Variants in SCFD2 observed in about 807,000 individuals in gnomAD.
SCFD2 encodes the protein sec1 family domain-containing protein 2.
Under a neutral mutation model 58.9 loss-of-function variants are expected in SCFD2, and 54 were observed. The ratio of observed to expected loss-of-function variants is 0.92; its 90% confidence interval spans 0.74 to 1.15. SCFD2 has a LOEUF of 1.15. Among genes scored for constraint, SCFD2 ranks in the 50% most tolerant of loss-of-function variants. The pLI, the probability that SCFD2 is intolerant of heterozygous loss-of-function variation, is 0.00. For synonymous variants in SCFD2, 321 were observed against 335.9 expected (o/e 0.96, Z 0.49); for missense variants, 805 against 836.6 (o/e 0.96, Z 0.47).
intron 4 of SCFD2, among the ~76,000 whole-genome samples, chr4:53,205,386 C>A (rs1728374778): frequency 6.6e-6 from 1 of 151,902 alleles, no homozygotes; most frequent in Admixed American, 6.6e-5. Context: ...GACTCCATCC[C>A]AGGAAAAAAG....
chr4:53,182,959 C>A (rs1382871835), intron 4 of SCFD2, among the ~76,000 whole-genome samples: 2 of 152,188 alleles, frequency 1.3e-5, no homozygotes, highest in African/African-American at 4.8e-5. Flanking sequence ...GAGATACCAT[C>A]ACACCCCAGT....
intron 4 of SCFD2, among the ~76,000 whole-genome samples, chr4:53,258,529 GGT>G (rs201888049): frequency 3.9e-5 from 4 of 102,816 alleles, no homozygotes; most frequent in African/African-American, 1.3e-4. Flanking sequence ...CGTATTCCAT[GGT>G]GTGTGTGTAT....
intron 5 of SCFD2, among the ~76,000 whole-genome samples, chr4:52,947,796 T>A (rs538675637): frequency 6.6e-6 from 1 of 150,838 alleles, no homozygotes; most frequent in East Asian, 1.9e-4. Flanking sequence ...GGCCAAAACT[T>A]TAAAATTAAA....
intron 3 of SCFD2, among the ~76,000 whole-genome samples, chr4:53,289,618 C>T (rs1731775483): frequency 6.6e-6 from 1 of 152,086 alleles, no homozygotes; most frequent in African/African-American, 2.4e-5. Flanking sequence ...ATAGTAAACA[C>T]TTGCCTATCA....
At chr4:53,250,213 C>T (rs1389637116) in intron 4 of SCFD2, among the ~76,000 whole-genome samples, 1 of 152,190 alleles carries the variant, frequency 6.6e-6, no homozygotes, top group African/African-American at 2.4e-5. Context: ...AAGGCCGTTA[C>T]ATAATGCTAA....
chr4:53,226,733 G>A (rs1729229366), intron 4 of SCFD2, among the ~76,000 whole-genome samples: 1 of 152,044 alleles, frequency 6.6e-6, no homozygotes, highest in Non-Finnish European at 1.5e-5. Context: ...GCAAGAGGAT[G>A]GGCAGCACCA....
intron 1 of SCFD2, among the ~76,000 whole-genome samples, chr4:53,362,954 G>C (rs1734587348): frequency 6.6e-6 from 1 of 152,202 alleles, no homozygotes; most frequent in East Asian, 1.9e-4. Flanking sequence ...TGGTAGATTT[G>C]GTGATGGGAA....
At chr4:53,258,566 A>G (rs1248619042) in intron 4 of SCFD2, among the ~76,000 whole-genome samples, 9 of 141,000 alleles carry the variant, frequency 6.4e-5, no homozygotes, top group Non-Finnish European at 1.1e-4. Flanking sequence ...ATATATATAT[A>G]TATATATATA....
At chr4:53,223,367 G>A (rs1729104513) in intron 4 of SCFD2, among the ~76,000 whole-genome samples, 2 of 152,188 alleles carry the variant, frequency 1.3e-5, no homozygotes, top group Non-Finnish European at 2.9e-5. Flanking sequence ...TGAAGGAACT[G>A]TTATAGTTCA....
chr4:53,096,295 T>A (rs1724631495), intron 5 of SCFD2, among the ~76,000 whole-genome samples: 1 of 152,238 alleles, frequency 6.6e-6, no homozygotes, highest in Admixed American at 6.5e-5. Flanking sequence ...ATCGCCATGC[T>A]GTCTTCCACA....
chr4:53,224,304 G>A (rs1204382026), intron 4 of SCFD2, among the ~76,000 whole-genome samples: 10 of 150,438 alleles, frequency 6.6e-5, no homozygotes, highest in African/African-American at 1.7e-4. Context: ...TAGGAGGATC[G>A]CTTGAACCTG....
At chr4:52,998,983 A>G (rs145025354) in intron 5 of SCFD2, among the ~76,000 whole-genome samples, 1 of 152,284 alleles carries the variant, frequency 6.6e-6, no homozygotes, top group East Asian at 1.9e-4. Flanking sequence ...TTTTCTGTAA[A>G]TCCAGCCAAA....
chr4:53,321,733 G>C (rs1298695561), intron 2 of SCFD2, among the ~76,000 whole-genome samples: 2 of 152,066 alleles, frequency 1.3e-5, no homozygotes, highest in Non-Finnish European at 2.9e-5. Flanking sequence ...CTTTCCTCTT[G>C]ACTACCTTTT....
intron 2 of SCFD2, among the ~76,000 whole-genome samples, chr4:53,328,988 A>G (rs1447164997): frequency 8.6e-5 from 13 of 152,036 alleles, no homozygotes; most frequent in African/African-American, 2.4e-4. Context: ...GGTGACGGAC[A>G]CACCTGGAAA....
intron 4 of SCFD2, among the ~76,000 whole-genome samples, chr4:53,265,811 C>T (rs1730968266): frequency 6.6e-6 from 1 of 152,066 alleles, no homozygotes; most frequent in African/African-American, 2.4e-5. Context: ...GCAATTACGG[C>T]TCACTGCAGC....
chr4:53,251,533 C>T (rs984685732), intron 4 of SCFD2, among the ~76,000 whole-genome samples: 8 of 152,298 alleles, frequency 5.3e-5, no homozygotes, highest in African/African-American at 1.9e-4. Context: ...AGCTTATCCA[C>T]CATGATCAAA....
intron 4 of SCFD2, among the ~76,000 whole-genome samples, chr4:53,201,953 A>C (rs1182059542): frequency 6.6e-6 from 1 of 151,990 alleles, no homozygotes; most frequent in African/African-American, 2.4e-5. Flanking sequence ...AGGTTGCAAA[A>C]ATTTTCTCCC....
chr4:52,902,438 G>T (rs1368323876), intron 7 of SCFD2, among the ~76,000 whole-genome samples: 2 of 152,200 alleles, frequency 1.3e-5, no homozygotes. Flanking sequence ...AGTGAAATAT[G>T]AAATGTTTGT....
intron 5 of SCFD2, among the ~76,000 whole-genome samples, chr4:53,057,275 A>G (rs1246484003): frequency 6.6e-6 from 1 of 152,182 alleles, no homozygotes; most frequent in Non-Finnish European, 1.5e-5. Context: ...CCCATCAATG[A>G]TAGACTGGAT....
Sources: allele counts gnomAD v4.1 joint callset (sites outside exome capture counted in the v4.1 genomes callset), GRCh38; gene constraint gnomAD v4.1.1; transcripts MANE v1.5; gene names NCBI Gene and HGNC (gene_info 2026-07-23, HGNC 2026-07-21).